The following PUM3 variants were observed in gnomAD, a reference collection of about 807,000 sequenced individuals.
PUM3 encodes the protein pumilio RNA binding family member 3, also known as pumilio homolog 3.
In PUM3, 91 loss-of-function variants were observed where a neutral mutation model predicts 84.0. The ratio of observed to expected loss-of-function variants is 1.08; its 90% CI spans 0.91 to 1.29. PUM3 has a LOEUF of 1.29. PUM3 is among the 50% of genes most tolerant of loss of function. The pLI, the probability that PUM3 is intolerant of heterozygous loss-of-function variation, is 0.00. For missense variants in PUM3, 1,067 were observed against 767.5 expected, an observed-to-expected ratio of 1.39 and a Z score of -4.61; for synonymous variants, 321 against 266.7, an observed-to-expected ratio of 1.20 and a Z score of -1.98.
rs73639499 is a variant in PUM3, at chr9:2,837,413, A to T, written c.83-12T>A. 6.5e-7 allele frequency: 1 copy of T among 1,544,460 alleles called. No homozygotes were observed. The highest frequency in any genetic ancestry group is 8.9e-7 in the Non-Finnish European group (1 of 1,120,992). Reference sequence around the variant, plus strand: ...TGAAGAACCAGAATCTAGTGACAATAATAATTATAAGTTCAATGATTCTGG... The same window carrying T: ...TGAAGAACCAGAATCTAGTGACAATTATAATTATAAGTTCAATGATTCTGG... On this transcript the variant is annotated splice_polypyrimidine_tract_variant and intron_variant, in intron 2 of 17. Coordinates refer to ENST00000397885, the MANE Select transcript of PUM3 (RefSeq NM_014878.5).
intron 13 of PUM3, among the ~76,000 whole-genome samples, chr9:2,818,340 G>C (rs967977017): frequency 6.6e-6 from 1 of 152,238 alleles, no homozygotes; most frequent in African/African-American, 2.4e-5. Context: ...GGGTTAAGCA[G>C]TTGTGGGAAT....
At chr9:2,827,483 G>GA (rs1815855583) in intron 9 of PUM3, among the ~76,000 whole-genome samples, 1 of 152,180 alleles carries the variant, frequency 6.6e-6, no homozygotes, top group Admixed American at 6.5e-5. Context: ...ATAATGATTA[G>GA]AAATCCACAT....
intron 1 of PUM3, among the ~76,000 whole-genome samples, chr9:2,842,215 T>A (rs1490130140): frequency 6.6e-6 from 1 of 152,170 alleles, no homozygotes; most frequent in Admixed American, 6.5e-5. Context: ...CCCCCCTTTT[T>A]CCTTTCCCTC....
chr9:2,804,528 C>A, intron 17 of PUM3, 65 bp from the exon 18 acceptor site: 3 of 1,467,964 alleles, frequency 2.0e-6, no homozygotes, highest in South Asian at 1.3e-5. Context: ...CTACCTGTAC[C>A]AACAGTAAAA....
intron 3 of PUM3, 123 bp from the exon 4 acceptor site, chr9:2,834,289 G>T: frequency 2.7e-6 from 2 of 752,856 alleles, no homozygotes. Context: ...GCTAAAAAGG[G>T]GAACATACCA....
chr9:2,822,827 T>C (rs542581287), intron 12 of PUM3, among the ~76,000 whole-genome samples: 3 of 150,394 alleles, frequency 2.0e-5, no homozygotes, highest in Non-Finnish European at 4.4e-5. Context: ...TTATAAAAAA[T>C]ATGAGAATTC....
chr9:2,830,808 G>C (rs560881214), intron 7 of PUM3, among the ~76,000 whole-genome samples, 154 bp downstream of exon 7: 3 of 152,088 alleles, frequency 2.0e-5, no homozygotes, highest in Non-Finnish European at 4.4e-5. Flanking sequence ...TTGTATTTAA[G>C]ATGATACTCT....
Position 2,812,331 on chromosome 9 carries a change from T to G in PUM3, c.1301A>C (p.Asn434Thr), listed in dbSNP as rs1486368362. ...EIISSLPSIVNDKYGRKVLLY... is the reference protein window; with the variant it reads ...EIISSLPSIVTDKYGRKVLLY... ...TAGGACCTTCCTTCCATATTTGTCA[T>G]TTACTATGCTAGGCAATGAACTGAT... is the stretch of plus-strand genomic sequence containing the variant. The change falls in exon 14 of 18, where the codon AAT (asparagine) becomes ACT (threonine). Residue 434 changes from asparagine to threonine, a missense_variant. Transcript: ENST00000397885. 3 of 1,591,404 alleles carry G rather than the reference T, an allele frequency of 1.9e-6. No individual in the cohort carries two copies. The highest frequency in any genetic ancestry group is 2.6e-6 in the Non-Finnish European group (3 of 1,159,664).
chr9:2,830,933 A>T, intron 7 of PUM3, 29 bp downstream of exon 7: 1 of 1,128,996 alleles, frequency 8.9e-7, no homozygotes, highest in South Asian at 1.3e-5. Flanking sequence ...GACAAAGAAA[A>T]AATGTATTTT....
intron 12 of PUM3, among the ~76,000 whole-genome samples, chr9:2,821,443 C>CAAAAAAAAAAAA (rs572752267): frequency 0.038 from 1,909 of 49,744 alleles, 231 homozygotes; most frequent in East Asian, 0.058. Context: ...GACTCTGTCT[C>CAAAAAAAAAAAA]AAAAAAAAAA....
chr9:2,822,861 C>T (rs1017854581), intron 12 of PUM3, among the ~76,000 whole-genome samples: 2 of 150,790 alleles, frequency 1.3e-5, no homozygotes, highest in East Asian at 1.9e-4. Flanking sequence ...ATTATAGGAA[C>T]GTTAGCTGCC....
At chr9:2,821,387 T>C (rs1414418959) in intron 12 of PUM3, among the ~76,000 whole-genome samples, 3 of 135,076 alleles carry the variant, frequency 2.2e-5, no homozygotes, top group Non-Finnish European at 3.0e-5. Context: ...GAGCTTGCAG[T>C]GAGCCCAGAT....
chr9:2,841,830 G>C (rs560860129), intron 1 of PUM3, among the ~76,000 whole-genome samples: 9 of 152,088 alleles, frequency 5.9e-5, no homozygotes, highest in Non-Finnish European at 1.2e-4. Context: ...TCCATCCCCA[G>C]AAATGCTGGC....
chr9:2,828,224 G>A (rs7848368), intron 9 of PUM3, among the ~76,000 whole-genome samples: 12,002 of 151,902 alleles, frequency 0.079, 756 homozygotes, highest in African/African-American at 0.17. Context: ...TTATTTTTTC[G>A]TAGAGATGGG....
chr9:2,817,651 G>A (rs188639786), intron 13 of PUM3, among the ~76,000 whole-genome samples: 87 of 152,310 alleles, frequency 5.7e-4, no homozygotes, highest in African/African-American at 1.9e-3. Context: ...ATAAGGAAAT[G>A]CAGATGAATA....
chr9:2,840,305 C>CA (rs1044664007), intron 1 of PUM3, among the ~76,000 whole-genome samples: 4 of 152,188 alleles, frequency 2.6e-5, no homozygotes, highest in Admixed American at 6.5e-5. Flanking sequence ...AGCCCAAAGT[C>CA]AGAGGAAAAT....
At chr9:2,812,844 C>T (rs1821400032) in intron 13 of PUM3, among the ~76,000 whole-genome samples, 1 of 152,178 alleles carries the variant, frequency 6.6e-6, no homozygotes. Context: ...GCCACTATTA[C>T]TAGGGACATC....
chr9:2,840,529 T>C (rs980467550), intron 1 of PUM3, among the ~76,000 whole-genome samples: 43 of 152,206 alleles, frequency 2.8e-4, no homozygotes, highest in South Asian at 1.0e-3. Context: ...CTCTTATTAC[T>C]TTTGCCTTTG....
chr9:2,835,949 GAGAA>G (rs1159300619), intron 3 of PUM3, among the ~76,000 whole-genome samples: 5 of 152,096 alleles, frequency 3.3e-5, no homozygotes, highest in African/African-American at 1.2e-4. Context: ...AACTCCAGTA[GAGAA>G]AGAAAGATTT....
Sources: allele counts gnomAD v4.1 joint callset (sites outside exome capture counted in the v4.1 genomes callset), GRCh38; gene constraint gnomAD v4.1.1; transcripts MANE v1.5; gene names NCBI Gene and HGNC (gene_info 2026-07-23, HGNC 2026-07-21).